Variants in NGEF observed in about 807,000 individuals in gnomAD.
NGEF encodes the protein neuronal guanine nucleotide exchange factor, also known as ephexin-1.
In NGEF, 31 loss-of-function variants were observed where a neutral mutation model predicts 80.9. The ratio of observed to expected loss-of-function variants is 0.38; its 90% CI spans 0.29 to 0.52. The LOEUF is 0.52. NGEF is among the 20% of genes least tolerant of loss of function. The probability of loss-of-function intolerance (pLI) is 0.84; values close to 1 mark genes in which losing one functional copy is unlikely to be tolerated. For missense variants in NGEF, 709 were observed against 926.2 expected (o/e 0.77, Z 3.04); for synonymous variants, 371 against 370.2 (o/e 1.00, Z -0.03).
At chr2:232,922,604 C>T (rs1055564438) in intron 4 of NGEF, among the ~76,000 whole-genome samples, 3 of 152,166 alleles carry the variant, frequency 2.0e-5, no homozygotes, top group Non-Finnish European at 2.9e-5. Context: ...TAAGGTAGGC[C>T]GACTATTGCG....
intron 10 of NGEF, among the ~76,000 whole-genome samples, chr2:232,884,346 G>A (rs1269883656): frequency 6.6e-6 from 1 of 152,232 alleles, no homozygotes; most frequent in East Asian, 1.9e-4. Context: ...ATGCACCCCT[G>A]TGGGCATGAG....
chr2:232,932,875 G>A (rs1210289217), intron 3 of NGEF, among the ~76,000 whole-genome samples: 12 of 152,030 alleles, frequency 7.9e-5, no homozygotes, highest in East Asian at 1.9e-4. Context: ...AGGCTGAGTC[G>A]GGTGGATCAC....
At chr2:232,908,580 T>C (rs1032813801) in intron 5 of NGEF, among the ~76,000 whole-genome samples, 1 of 152,104 alleles carries the variant, frequency 6.6e-6, no homozygotes, top group African/African-American at 2.4e-5. Flanking sequence ...CATTTATTTA[T>C]TTTTGCGGAG....
chr2:232,888,168 A>C, intron 8 of NGEF, 61 bp from the exon 9 acceptor site: 2 of 1,316,994 alleles, frequency 1.5e-6, no homozygotes, highest in Non-Finnish European at 2.1e-6. Context: ...CCCATTTCCC[A>C]CCTTGACCGT....
intron 3 of NGEF, among the ~76,000 whole-genome samples, chr2:232,951,115 C>T (rs1456735163): frequency 6.6e-6 from 1 of 152,134 alleles, no homozygotes; most frequent in Non-Finnish European, 1.5e-5. Flanking sequence ...TGAAGACAAC[C>T]AGTGCCACTG....
At chr2:232,924,585 T>G (rs11679296) in intron 4 of NGEF, among the ~76,000 whole-genome samples, 26,334 of 152,082 alleles carry the variant, frequency 0.17, 2,393 homozygotes, top group East Asian at 0.28. Flanking sequence ...CCCTTCCTGT[T>G]TCACACATGG....
In NGEF at chr2:232,899,917, CAT is replaced by C. The variant is rs548331606; in HGVS notation, c.829-5003_829-5002del. 4.5e-3 allele frequency among the ~76,000 whole-genome samples: 624 copies of C among 138,424 alleles called. 47 individuals are homozygous for C. Among genetic ancestry groups the C allele is most frequent in the East Asian group, 0.038 (110 of 2,926 alleles). The allele number at this position is 138,424 out of a possible 152,430, so 90.8% of individuals were successfully genotyped here. On this transcript the variant is annotated intron_variant, in intron 5 of 14. Coordinates refer to ENST00000264051, the MANE Select transcript of NGEF (RefSeq NM_019850.3). ...TCACACACATGCTCTCACAGTCACT[CAT>C]ATACACGTTCACTCACATTCACTTA... is the stretch of plus-strand genomic sequence containing the variant.
chr2:232,996,350 A>AAAC (rs537803749), intron 1 of NGEF, among the ~76,000 whole-genome samples: 1 of 152,058 alleles, frequency 6.6e-6, no homozygotes, highest in Non-Finnish European at 1.5e-5. Flanking sequence ...ACAACAACAC[A>AAAC]AACAACAACA....
intron 3 of NGEF, among the ~76,000 whole-genome samples, chr2:232,961,581 C>T (rs1693953228): frequency 6.6e-6 from 1 of 152,174 alleles, no homozygotes. Flanking sequence ...CAAGCTCCAC[C>T]TCCTGAGTTC....
At chr2:232,908,091 C>T (rs1454224499) in intron 5 of NGEF, among the ~76,000 whole-genome samples, 1 of 152,112 alleles carries the variant, frequency 6.6e-6, no homozygotes, top group Non-Finnish European at 1.5e-5. Context: ...GCCTGGGAGA[C>T]AGAGTGAGAC....
chr2:232,953,160 G>A (rs551586213), intron 3 of NGEF, among the ~76,000 whole-genome samples: 2 of 151,716 alleles, frequency 1.3e-5, no homozygotes, highest in East Asian at 3.9e-4. Flanking sequence ...AAATTAGCCA[G>A]GTGTGGTGGC....
At chr2:232,952,970 CAAAAAAAAAAAA>C (rs57198276) in intron 3 of NGEF, among the ~76,000 whole-genome samples, 9 of 73,074 alleles carry the variant, frequency 1.2e-4, no homozygotes, top group East Asian at 9.6e-4. Flanking sequence ...AGACAGCCCT[CAAAAAAAAAAAA>C]AAAAAAAAAA....
At chr2:232,926,113 C>T (rs1242292591) in intron 4 of NGEF, among the ~76,000 whole-genome samples, 1 of 152,188 alleles carries the variant, frequency 6.6e-6, no homozygotes, top group African/African-American at 2.4e-5. Context: ...ACTGGAGACA[C>T]GTCCTGTCTG....
chr2:232,961,432 T>C (rs1693949205), intron 3 of NGEF, among the ~76,000 whole-genome samples: 2 of 152,222 alleles, frequency 1.3e-5, no homozygotes, highest in South Asian at 4.1e-4. Flanking sequence ...GCCTGCTCTT[T>C]TAGCTGTTTG....
intron 1 of NGEF, among the ~76,000 whole-genome samples, chr2:232,991,381 TAAAC>T (rs1694646987): frequency 6.6e-6 from 1 of 151,824 alleles, no homozygotes; most frequent in African/African-American, 2.4e-5. Context: ...TTGGAACTAA[TAAAC>T]AAGTTCAGCA....
At chr2:232,907,680 AAAAG>A (rs1692598719) in intron 5 of NGEF, among the ~76,000 whole-genome samples, 1 of 52,618 alleles carries the variant, frequency 1.9e-5, no homozygotes, top group East Asian at 6.6e-4. Flanking sequence ...AAACATGCAT[AAAAG>A]AAAGTAAAAA....
At chr2:232,934,906 G>T (rs2106291822) in intron 3 of NGEF, among the ~76,000 whole-genome samples, 1 of 152,130 alleles carries the variant, frequency 6.6e-6, no homozygotes, top group East Asian at 1.9e-4. Flanking sequence ...TACTCAGGAG[G>T]CTAAGGAGAG....
At chr2:232,929,494 T>C (rs1237963371) in intron 3 of NGEF, among the ~76,000 whole-genome samples, 1 of 152,206 alleles carries the variant, frequency 6.6e-6, no homozygotes, top group Non-Finnish European at 1.5e-5. Flanking sequence ...CACTTAGCCC[T>C]GGTGCCAGAA....
intron 5 of NGEF, among the ~76,000 whole-genome samples, chr2:232,918,809 A>G (rs966349048): frequency 6.6e-6 from 1 of 151,546 alleles, no homozygotes; most frequent in African/African-American, 2.4e-5. Flanking sequence ...TTGTATTTTT[A>G]GTAGAGACTG....
Sources: allele counts gnomAD v4.1 joint callset (sites outside exome capture counted in the v4.1 genomes callset), GRCh38; gene constraint gnomAD v4.1.1; transcripts MANE v1.5; gene names NCBI Gene and HGNC (gene_info 2026-07-23, HGNC 2026-07-21).